Variants in NBAS observed in about 807,000 individuals in gnomAD.
The protein encoded by NBAS is NBAS subunit of NRZ tethering complex, also known as NAG/BC035112 fusion.
A neutral mutation model predicts 302.5 loss-of-function variants in NBAS; 219 were observed. The observed-to-expected ratio is 0.72, with a 90% CI of 0.65 to 0.81. The LOEUF (loss-of-function observed/expected upper bound fraction) is 0.81. NBAS is among the 30% of genes least tolerant of loss of function. NBAS has a pLI of 0.00. For synonymous variants in NBAS, 1,118 were observed against 1,021.6 expected (o/e 1.09, Z -1.80); for missense variants, 2,932 against 2,841.6 (o/e 1.03, Z -0.72).
chr2:14,988,005 A>T, the NBAS span, among the ~76,000 whole-genome samples: 1 of 152,062 alleles, frequency 6.6e-6, no homozygotes, highest in African/African-American at 2.4e-5. Context: ...AGAATGTGAC[A>T]GCTCAATCCA....
chr2:15,237,880 T>C lies in NBAS; in HGVS notation c.5943+588A>G, dbSNP rs982106339. ...AACTCCGCCTCCCGGGTTCAAGCCA[T>C]TCCCCTGCCTCAGCCTCCTGAGTAG... On this transcript the variant is annotated intron_variant, in intron 45 of 51. Coordinates refer to ENST00000281513, the MANE Select transcript of NBAS (RefSeq NM_015909.4). Among the ~76,000 whole-genome samples, 4 of 150,326 alleles carry C rather than the reference T, an allele frequency of 2.7e-5. No homozygotes were observed. The Admixed American group carries it at 2.7e-4, about 10-fold the overall frequency.
chr2:14,926,998 T>C, the NBAS span, among the ~76,000 whole-genome samples: 1 of 152,240 alleles, frequency 6.6e-6, no homozygotes, highest in Admixed American at 6.5e-5. Flanking sequence ...CAGATTGTCC[T>C]TCATAATACA....
chr2:15,382,871 A>T (rs1159747471), intron 29 of NBAS, among the ~76,000 whole-genome samples: 1 of 152,228 alleles, frequency 6.6e-6, no homozygotes, highest in Non-Finnish European at 1.5e-5. Context: ...GGATTGCTGC[A>T]GTTCAGCAGA....
chr2:15,090,302 T>A, the NBAS span, among the ~76,000 whole-genome samples: 1 of 152,226 alleles, frequency 6.6e-6, no homozygotes, highest in Admixed American at 6.5e-5. Flanking sequence ...CATGTGTGAA[T>A]CACATCAACT....
At chr2:14,848,735 C>T in the NBAS span, among the ~76,000 whole-genome samples, 14 of 151,222 alleles carry the variant, frequency 9.3e-5, no homozygotes, top group Admixed American at 2.6e-4. Flanking sequence ...GATCTGAGAA[C>T]GGGCAGACTG....
intron 26 of NBAS, among the ~76,000 whole-genome samples, chr2:15,399,025 T>C (rs965014622): frequency 1.3e-5 from 2 of 152,178 alleles, no homozygotes; most frequent in African/African-American, 2.4e-5. Flanking sequence ...AACTGTAACA[T>C]CTACATAAAA....
At chr2:14,806,687 A>T in the NBAS span, among the ~76,000 whole-genome samples, 1 of 152,232 alleles carries the variant, frequency 6.6e-6, no homozygotes, top group East Asian at 1.9e-4. Flanking sequence ...ACTCACTTAA[A>T]AAATCTAAAT....
chr2:15,330,788 C>T (rs756914409), intron 35 of NBAS, 23 bp from the exon 36 acceptor site: 1 of 1,610,820 alleles, frequency 6.2e-7, no homozygotes, highest in Non-Finnish European at 8.5e-7. Flanking sequence ...AACAAAATAG[C>T]AAGGGCAAAA....
the NBAS span, among the ~76,000 whole-genome samples, chr2:15,023,057 A>G: frequency 1.8e-4 from 28 of 151,702 alleles, no homozygotes; most frequent in East Asian, 4.5e-3. Context: ...TGCACCCATT[A>G]TTATTTTTCT....
chr2:15,052,919 T>C, the NBAS span, among the ~76,000 whole-genome samples: 1 of 152,304 alleles, frequency 6.6e-6, no homozygotes, highest in Non-Finnish European at 1.5e-5. Context: ...AATATGTTAA[T>C]TTAAAATTCT....
chr2:15,103,922 C>A, the NBAS span, among the ~76,000 whole-genome samples: 1 of 152,100 alleles, frequency 6.6e-6, no homozygotes, highest in African/African-American at 2.4e-5. Flanking sequence ...ATTTTTCTTT[C>A]ATGCTAAATT....
intron 51 of NBAS, among the ~76,000 whole-genome samples, chr2:15,177,307 C>T (rs974324639): frequency 6.6e-6 from 1 of 152,178 alleles, no homozygotes; most frequent in Non-Finnish European, 1.5e-5. Flanking sequence ...GACTTGGGCA[C>T]TGCAGTGTTA....
the NBAS span, among the ~76,000 whole-genome samples, chr2:15,090,790 C>G: frequency 6.6e-6 from 1 of 152,182 alleles, no homozygotes; most frequent in Non-Finnish European, 1.5e-5. Flanking sequence ...TTTGAAAGCT[C>G]TGCAGCATTG....
intron 35 of NBAS, among the ~76,000 whole-genome samples, chr2:15,332,084 G>A (rs1672380891): frequency 1.3e-5 from 2 of 152,200 alleles, no homozygotes; most frequent in Admixed American, 6.5e-5. Context: ...AAAGAATGTA[G>A]GCAGCCTGTA....
At chr2:15,043,254 C>T in the NBAS span, among the ~76,000 whole-genome samples, 8 of 152,096 alleles carry the variant, frequency 5.3e-5, no homozygotes, top group Non-Finnish European at 2.9e-5. Context: ...CACCAAAAAC[C>T]GGGACATTGC....
the NBAS span, among the ~76,000 whole-genome samples, chr2:14,892,260 T>C: frequency 1.3e-5 from 2 of 151,264 alleles, no homozygotes; most frequent in Non-Finnish European, 2.9e-5. Context: ...ATAGAATAAA[T>C]AGGAAAAAGA....
intron 9 of NBAS, among the ~76,000 whole-genome samples, chr2:15,522,364 G>T (rs1306612173): frequency 1.3e-5 from 2 of 152,144 alleles, no homozygotes; most frequent in Non-Finnish European, 2.9e-5. Context: ...TCAAGTTTTG[G>T]CCTGGTGGAA....
the NBAS span, among the ~76,000 whole-genome samples, chr2:14,966,156 A>C: frequency 6.6e-6 from 1 of 152,162 alleles, no homozygotes; most frequent in Non-Finnish European, 1.5e-5. Context: ...CTTCAGGGAG[A>C]GCATGAACCT....
At chr2:15,288,877 T>C (rs1020526447) in intron 41 of NBAS, among the ~76,000 whole-genome samples, 4 of 152,248 alleles carry the variant, frequency 2.6e-5, no homozygotes, top group African/African-American at 9.6e-5. Context: ...GGTAATATAG[T>C]AAATATTTCA....
Sources: gnomAD v4.1 joint callset for allele counts (sites outside exome capture counted in the v4.1 genomes callset) on GRCh38, gnomAD v4.1.1 for gene constraint, MANE v1.5 for transcripts, NCBI Gene and HGNC (gene_info 2026-07-23, HGNC 2026-07-21) for gene names.